STXBP5L: variants seen among roughly 807,000 people sequenced by gnomAD.
The protein encoded by STXBP5L is syntaxin binding protein 5L, also known as syntaxin-binding protein 5-like.
A neutral mutation model predicts 144.5 loss-of-function variants in STXBP5L; 65 were observed. The observed-to-expected ratio is 0.45, with a 90% CI of 0.37 to 0.55. STXBP5L has a LOEUF of 0.55. Ranked by LOEUF, STXBP5L falls within the 20% of genes least tolerant of loss-of-function variation. The pLI is 0.00. For synonymous variants in STXBP5L, 505 were observed against 469.6 expected, an observed-to-expected ratio of 1.08 and a Z score of -0.97; for missense variants, 1,298 against 1,405.5, an observed-to-expected ratio of 0.92 and a Z score of 1.22.
intron 4 of STXBP5L, among the ~76,000 whole-genome samples, chr3:121,045,160 A>G (rs568671866): frequency 1.3e-5 from 2 of 152,262 alleles, no homozygotes; most frequent in South Asian, 4.1e-4. Context: ...TAATGGCCAT[A>G]ACAGTGCTAT....
chr3:121,290,689 A>G (rs894274501), intron 19 of STXBP5L, among the ~76,000 whole-genome samples: 1 of 152,218 alleles, frequency 6.6e-6, no homozygotes, highest in African/African-American at 2.4e-5. Flanking sequence ...CTAACAGCAT[A>G]TCAAGAAGAT....
chr3:121,074,155 T>C (rs1036407438), intron 5 of STXBP5L, among the ~76,000 whole-genome samples: 1 of 152,136 alleles, frequency 6.6e-6, no homozygotes, highest in African/African-American at 2.4e-5. Context: ...TGGGGGAGCC[T>C]GGTCCAAGTA....
At chr3:121,318,331 A>G (rs2043851829) in intron 19 of STXBP5L, 144 bp from the exon 20 acceptor site, 1 of 421,888 alleles carries the variant, frequency 2.4e-6, no homozygotes, top group African/African-American at 2.1e-5. Flanking sequence ...TATTTTTAAA[A>G]TTCAGAATAA....
At chr3:120,992,435 C>A (rs1032800280) in intron 3 of STXBP5L, among the ~76,000 whole-genome samples, 5 of 152,058 alleles carry the variant, frequency 3.3e-5, no homozygotes, top group Admixed American at 2.0e-4. Context: ...CATTAACTAA[C>A]CTCTCTTGTC....
intron 7 of STXBP5L, among the ~76,000 whole-genome samples, chr3:121,133,097 T>C (rs1388848906): frequency 1.3e-5 from 2 of 152,152 alleles, no homozygotes; most frequent in African/African-American, 4.8e-5. Flanking sequence ...GAGCTAGGTA[T>C]GGTGGCTTAT....
intron 7 of STXBP5L, among the ~76,000 whole-genome samples, chr3:121,130,282 G>T (rs76362092): frequency 0.12 from 18,232 of 152,004 alleles, 1,147 homozygotes; most frequent in Non-Finnish European, 0.14. Flanking sequence ...ACATGCTCCT[G>T]GGCCCTTGTA....
intron 13 of STXBP5L, among the ~76,000 whole-genome samples, chr3:121,239,723 GGGGA>G (rs1342019710): frequency 2.7e-5 from 3 of 110,284 alleles, no homozygotes; most frequent in Non-Finnish European, 5.3e-5. Context: ...TGGGGGGAGG[GGGGA>G]GGGATAGCAT....
At chr3:121,324,583 C>G (rs1177062703) in intron 20 of STXBP5L, 1 of 684,268 alleles carries the variant, frequency 1.5e-6, no homozygotes. Flanking sequence ...TATCACTTGC[C>G]AGGTGAAGAT....
intron 3 of STXBP5L, among the ~76,000 whole-genome samples, chr3:120,970,766 C>G (rs1004379260): frequency 2.0e-5 from 3 of 152,030 alleles, no homozygotes; most frequent in African/African-American, 7.2e-5. Context: ...CTTTCCAGGT[C>G]TTTTTCTTCG....
intron 10 of STXBP5L, among the ~76,000 whole-genome samples, chr3:121,209,238 G>T (rs922843904): frequency 1.3e-5 from 2 of 152,018 alleles, no homozygotes; most frequent in Non-Finnish European, 2.9e-5. Flanking sequence ...ACATACATGT[G>T]CATGTGTCTT....
intron 3 of STXBP5L, among the ~76,000 whole-genome samples, chr3:121,024,128 A>G (rs1227831960): frequency 6.6e-6 from 1 of 152,188 alleles, no homozygotes; most frequent in African/African-American, 2.4e-5. Context: ...AAAGGAATCA[A>G]AAGAGAGGCC....
At chr3:121,106,095 C>G (rs979407619) in intron 5 of STXBP5L, among the ~76,000 whole-genome samples, 1 of 152,090 alleles carries the variant, frequency 6.6e-6, no homozygotes, top group Non-Finnish European at 1.5e-5. Context: ...ATTTTTCTTA[C>G]TGTAATTAAT....
intron 5 of STXBP5L, among the ~76,000 whole-genome samples, chr3:121,108,763 G>C (rs1166122907): frequency 6.6e-6 from 1 of 152,070 alleles, no homozygotes; most frequent in Non-Finnish European, 1.5e-5. Flanking sequence ...CTTTTAATTT[G>C]TTTGAAGTAG....
intron 5 of STXBP5L, among the ~76,000 whole-genome samples, chr3:121,096,859 A>G (rs1437618138): frequency 2.0e-5 from 3 of 152,150 alleles, no homozygotes; most frequent in Non-Finnish European, 4.4e-5. Context: ...GATGGTTAGT[A>G]TAGCTCAAAC....
Position 121,186,598 on chromosome 3 carries a change from T to A in STXBP5L, c.878-19325T>A, listed in dbSNP as rs542632524. ...TCTGTTTATATGCTGGATTACATTT[T>A]TTGATTTTCATATGTTGAACCAGCC... On this transcript the variant is annotated intron_variant, in intron 9 of 26. Transcript: ENST00000471454. Among the ~76,000 whole-genome samples, 11 of 152,326 alleles carry A rather than the reference T, an allele frequency of 7.2e-5. 1 individual carries two copies. In the East Asian group the frequency reaches 1.7e-3, roughly 24 times the overall value.
chr3:121,060,650 A>G lies in STXBP5L; in HGVS notation c.470+15115A>G, dbSNP rs569796877. The stretch of plus-strand genomic sequence containing the variant: ...TATTAATTACTGCCTCAATTTCAGA[A>G]TTTGTTATTGGTCTATTCAGGGATT... On this transcript the variant is annotated intron_variant, in intron 5 of 26. Transcript: ENST00000471454. 3.3e-5 allele frequency among the ~76,000 whole-genome samples: 5 copies of G among 152,208 alleles called. No homozygotes were observed. In the South Asian group the frequency reaches 1.0e-3, roughly 32 times the overall value.
chr3:121,036,314 C>G lies in STXBP5L; in HGVS notation c.288-5386C>G, dbSNP rs147289610. On this transcript the variant is annotated intron_variant, in intron 3 of 26. Transcript: ENST00000471454. ...AGCCACTGTACTCCAGCCTGGGCAA[C>G]ACGAGTGAGACTCCATCTTAAAAAA... 4.5e-3 allele frequency among the ~76,000 whole-genome samples: 690 copies of G among 152,270 alleles called. 4 individuals are homozygous for G. Among genetic ancestry groups the G allele is most frequent in the African/African-American group, 0.016 (659 of 41,550 alleles).
rs72968086 is a variant in STXBP5L, at chr3:121,333,635, G to T, written c.2176+15095G>T. Among the ~76,000 whole-genome samples, 381 of 151,736 alleles carry T rather than the reference G, an allele frequency of 2.5e-3. 2 individuals are homozygous for T. Among genetic ancestry groups the T allele is most frequent in the African/African-American group, 8.6e-3 (355 of 41,406 alleles). On this transcript the variant is annotated intron_variant, in intron 20 of 26. Transcript: ENST00000471454. Reference sequence around the variant, plus strand: ...AAAATAAGATAAGCTGCTAACTAGGGTAATAAAGAGTAAAAGAGAAGATTC... The same window carrying T: ...AAAATAAGATAAGCTGCTAACTAGGTTAATAAAGAGTAAAAGAGAAGATTC...
chr3:121,234,441 A>G (rs1439285096), intron 12 of STXBP5L, among the ~76,000 whole-genome samples: 1 of 152,154 alleles, frequency 6.6e-6, no homozygotes, highest in Non-Finnish European at 1.5e-5. Flanking sequence ...TAATTTGGCC[A>G]CATATTCTAG....
Sources: allele counts gnomAD v4.1 joint callset (sites outside exome capture counted in the v4.1 genomes callset), GRCh38; gene constraint gnomAD v4.1.1; transcripts MANE v1.5; gene names NCBI Gene and HGNC (gene_info 2026-07-23, HGNC 2026-07-21).